GNAL: variants seen among roughly 807,000 people sequenced by gnomAD.
The protein encoded by GNAL is guanine nucleotide-binding protein G(olf) subunit alpha.
A neutral mutation model predicts 55.1 loss-of-function variants in GNAL; 18 were observed. That is an observed-to-expected ratio of 0.33 (90% CI 0.23 to 0.48). The LOEUF is 0.48. Among genes scored for constraint, GNAL ranks in the 20% least tolerant of loss-of-function variants. GNAL has a pLI of 0.99. For missense variants in GNAL, 412 were observed against 614.1 expected, an observed-to-expected ratio of 0.67 and a Z score of 3.48; for synonymous variants, 253 against 237.0, an observed-to-expected ratio of 1.07 and a Z score of -0.62.
intron 4 of GNAL, among the ~76,000 whole-genome samples, chr18:11,777,136 T>C (rs2033807063): frequency 6.6e-6 from 1 of 152,236 alleles, no homozygotes. Context: ...TTGTAGATGG[T>C]GGCAGAGAGA....
At chr18:11,797,409 C>T (rs1885052351) in intron 4 of GNAL, among the ~76,000 whole-genome samples, 2 of 152,016 alleles carry the variant, frequency 1.3e-5, no homozygotes, top group Non-Finnish European at 2.9e-5. Flanking sequence ...TCTTTTTGCA[C>T]AGTGTTATCA....
At chr18:11,826,365 AGAG>A (rs60409657) in intron 5 of GNAL, among the ~76,000 whole-genome samples, 68 of 19,224 alleles carry the variant, frequency 3.5e-3, no homozygotes, top group South Asian at 5.6e-3. Flanking sequence ...GGGGGAAGGA[AGAG>A]GAGGAGGAGG....
chr18:11,831,768 C>A (rs1407860624), intron 5 of GNAL, among the ~76,000 whole-genome samples: 1 of 152,240 alleles, frequency 6.6e-6, no homozygotes. Flanking sequence ...TAGCCTTGTC[C>A]CGTCAAACAG....
intron 4 of GNAL, among the ~76,000 whole-genome samples, chr18:11,816,953 A>G (rs756248033): frequency 6.6e-6 from 1 of 152,134 alleles, no homozygotes; most frequent in South Asian, 2.1e-4. Flanking sequence ...AGGCAAAACT[A>G]TAGAGACAGA....
At chr18:11,791,234 G>T (rs2034226723) in intron 4 of GNAL, among the ~76,000 whole-genome samples, 1 of 152,188 alleles carries the variant, frequency 6.6e-6, no homozygotes. Flanking sequence ...TTCCATGAAA[G>T]TAATGTTGAA....
intron 10 of GNAL, among the ~76,000 whole-genome samples, chr18:11,872,819 A>T (rs2036427572): frequency 6.6e-6 from 1 of 152,150 alleles, no homozygotes; most frequent in Non-Finnish European, 1.5e-5. Flanking sequence ...GAGAGAGGAG[A>T]GATAGCGTGT....
In GNAL at chr18:11,884,428, A is replaced by G; in HGVS notation, c.*3293A>G. 6.2e-7 allele frequency: 1 copy of G among 1,609,530 alleles called. No homozygotes were observed. Among genetic ancestry groups the G allele is most frequent in the Non-Finnish European group, 8.5e-7 (1 of 1,176,918 alleles). ...TTCCATTTCTTGGGCTTTGATATTT[A>G]TAATGGCGCCTGCTCTTCATCTTGT... On this transcript the variant is annotated 3_prime_UTR_variant, in exon 12 of 12. Coordinates refer to ENST00000334049, the MANE Select transcript of GNAL (RefSeq NM_182978.4).
At chr18:11,869,987 A>C (rs2036357717) in intron 9 of GNAL, among the ~76,000 whole-genome samples, 1 of 152,232 alleles carries the variant, frequency 6.6e-6, no homozygotes, top group African/African-American at 2.4e-5. Flanking sequence ...ACAATACAGT[A>C]TAACAACTAC....
In GNAL at chr18:11,716,049, G is replaced by A. The variant is rs186537495; in HGVS notation, c.376+26110G>A. Among the ~76,000 whole-genome samples, 645 of 152,328 alleles carry A rather than the reference G, an allele frequency of 4.2e-3. 4 individuals carry two copies. Among genetic ancestry groups the A allele is most frequent in the Non-Finnish European group, 7.5e-3 (511 of 68,028 alleles). ...AAAAAGGAACGCTTATACACTGTTG[G>A]TGGGAGTGTAAATTAGTTTAACCAT... On this transcript the variant is annotated intron_variant, in intron 1 of 11. Coordinates refer to ENST00000334049, the MANE Select transcript of GNAL (RefSeq NM_182978.4).
chr18:11,689,722 C>T lies in GNAL; in HGVS notation c.159C>T (p.Leu53=), dbSNP rs2031173364. 6.7e-7 allele frequency: 1 copy of T among 1,498,136 alleles called. No individual in the cohort carries two copies. Among genetic ancestry groups the T allele is most frequent in the South Asian group, 1.2e-5 (1 of 80,386 alleles). 92.8% of individuals were successfully genotyped at this position (1,498,136 alleles called of 1,614,324 possible). The stretch of plus-strand genomic sequence containing the variant: ...CAAGGGACACGGCCCGGACCCTGCT[C>T]CCTCGGGGCGGCGAAGGGAGCCCGG... The part of the protein sequence containing the change: ...AAARDTARTL[L]PRGGEGSPAC... The change falls in exon 1 of 12, where the codon CTC becomes CTT. Residue 53 remains leucine (L), a synonymous_variant. Transcript: ENST00000334049.
chr18:11,746,015 G>A (rs771647484), intron 1 of GNAL: 4 of 309,254 alleles, frequency 1.3e-5, no homozygotes, highest in Non-Finnish European at 2.6e-5. Context: ...CTAGGGAGTC[G>A]GGTTTTGTTT....
chr18:11,868,767 C>T lies in GNAL; in HGVS notation c.1031+104C>T. On this transcript the variant is annotated intron_variant, in intron 9 of 11. Transcript: ENST00000334049. This position sits in a 1 kb window ranked among gnomAD's most constrained non-coding sequence, Gnocchi z 4.0. Reference sequence around the variant, plus strand: ...GTGGCTCACACCTGTAATCTCAACACTGGGAGGCCGAGGCAGGTGTGTCAC... The same window carrying T: ...GTGGCTCACACCTGTAATCTCAACATTGGGAGGCCGAGGCAGGTGTGTCAC... 1 of 911,908 alleles carries T rather than the reference C, an allele frequency of 1.1e-6. No homozygotes were observed. Among genetic ancestry groups the T allele is most frequent in the Non-Finnish European group, 1.6e-6 (1 of 607,116 alleles). The allele number at this position is 911,908 out of a possible 1,614,324, so 56.5% of individuals were successfully genotyped here. A position where few individuals can be genotyped will look rare whatever the true frequency, so the allele number is the denominator to read the frequency against.
At position 11,751,679 on chromosome 18, in the gene GNAL, C is replaced by G. The variant is rs1277733188; in HGVS notation, c.377-1174C>G. The G allele has an allele frequency of 4.1e-6, 4 of 984,772 alleles. No individual in the cohort carries two copies. Among genetic ancestry groups the G allele is most frequent in the Non-Finnish European group, 4.8e-6 (4 of 829,472 alleles). 61.0% of individuals were successfully genotyped at this position (984,772 alleles called of 1,614,324 possible). A position where few individuals can be genotyped will look rare whatever the true frequency, so the allele number is the denominator to read the frequency against. On this transcript the variant is annotated intron_variant, in intron 1 of 11. Coordinates refer to ENST00000334049, the MANE Select transcript of GNAL (RefSeq NM_182978.4). This position sits in a 1 kb window ranked among gnomAD's most constrained non-coding sequence, Gnocchi z 4.5. ...CGGCCGCGGCGCAGCGGAGGGGCTG[C>G]GGGCCCGGAACCCAGGCCGGTCAGC...
At position 11,814,461 on chromosome 18, in the gene GNAL, G is replaced by A. The variant is rs1421239892; in HGVS notation, c.625-10457G>A. On this transcript the variant is annotated intron_variant, in intron 4 of 11. Coordinates refer to ENST00000334049, the MANE Select transcript of GNAL (RefSeq NM_182978.4). Reference sequence around the variant, plus strand: ...GGGAATTGCTTGAACCTGGGAGACAGATGTTGCAGTGACCAGAGATCATTC... The same window carrying A: ...GGGAATTGCTTGAACCTGGGAGACAAATGTTGCAGTGACCAGAGATCATTC... Among the ~76,000 whole-genome samples, 4 of 152,172 alleles carry A rather than the reference G, an allele frequency of 2.6e-5. No individual in the cohort carries two copies. The South Asian group carries it at 6.2e-4, about 24-fold the overall frequency.
Position 11,772,787 on chromosome 18 carries a change from A to G in GNAL, c.624+18842A>G, listed in dbSNP as rs1169939303. 3.3e-5 allele frequency among the ~76,000 whole-genome samples: 5 copies of G among 152,264 alleles called. No individual in the cohort carries two copies. The East Asian group carries it at 9.7e-4, about 29-fold the overall frequency. Reference sequence around the variant, plus strand: ...TTTATACAGCGGAGTTTCATTATCTATTAGGTTGAACTATTAAAAATTGCC... The same window carrying G: ...TTTATACAGCGGAGTTTCATTATCTGTTAGGTTGAACTATTAAAAATTGCC... On this transcript the variant is annotated intron_variant, in intron 4 of 11. Transcript: ENST00000334049.
At chr18:11,835,097 G>A (rs182739564) in intron 5 of GNAL, among the ~76,000 whole-genome samples, 52 of 152,326 alleles carry the variant, frequency 3.4e-4, no homozygotes, top group African/African-American at 1.1e-3. Context: ...GAGCTACACA[G>A]ATAGATGCAT....
rs74570248 is a variant in GNAL at position 11,851,109 on chromosome 18, G to A, written c.723-11286G>A. ...TTGGAGCGTGGGTAATTTTACACGC[G>A]GGTCTCCACAGATCCTGTCTACTTC... On this transcript the variant is annotated intron_variant, in intron 5 of 11. Transcript: ENST00000334049. Among the ~76,000 whole-genome samples the A allele has an allele frequency of 6.3e-3, 953 of 152,318 alleles. 7 individuals carry two copies. Among genetic ancestry groups the A allele is most frequent in the African/African-American group, 0.021 (865 of 41,556 alleles).
At chr18:11,816,835 A>G (rs953801962) in intron 4 of GNAL, among the ~76,000 whole-genome samples, 1 of 151,622 alleles carries the variant, frequency 6.6e-6, no homozygotes, top group Non-Finnish European at 1.5e-5. Context: ...AAAAAAAAGG[A>G]ACAAACTGTT....
chr18:11,880,139 C>T (rs2036635008), intron 11 of GNAL, among the ~76,000 whole-genome samples: 1 of 149,716 alleles, frequency 6.7e-6, no homozygotes, highest in Non-Finnish European at 1.5e-5. Flanking sequence ...CGCCTGTAAT[C>T]CCAGCTACTC....
Sources: allele counts gnomAD v4.1 joint callset (sites outside exome capture counted in the v4.1 genomes callset), GRCh38; gene constraint gnomAD v4.1.1; non-coding constraint Gnocchi (gnomAD v3.1); transcripts MANE v1.5; gene names NCBI Gene and HGNC (gene_info 2026-07-23, HGNC 2026-07-21).